Variants in RBFOX1 observed in about 807,000 individuals in gnomAD.
RBFOX1 encodes the protein RNA binding protein fox-1 homolog 1.
RBFOX1 carries 8 observed loss-of-function variants against 57.7 expected under a neutral mutation model. The observed-to-expected ratio is 0.14, with a 90% confidence interval of 0.08 to 0.25. The LOEUF (loss-of-function observed/expected upper bound fraction) is 0.25, where lower values mean the gene tolerates loss of function less well. Ranked by LOEUF, RBFOX1 falls within the 10% of genes least tolerant of loss-of-function variation. The probability of loss-of-function intolerance (pLI) is 1.00; values close to 1 mark genes in which losing one functional copy is unlikely to be tolerated. For synonymous variants in RBFOX1, 326 were observed against 222.4 expected, an observed-to-expected ratio of 1.47 and a Z score of -4.15; for missense variants, 611 against 548.5, an observed-to-expected ratio of 1.11 and a Z score of -1.14.
chr16:6,762,649 A>G (rs2076776935), intron 3 of RBFOX1, among the ~76,000 whole-genome samples: 1 of 152,186 alleles, frequency 6.6e-6, no homozygotes, highest in African/African-American at 2.4e-5. Context: ...TCCTGGTAGA[A>G]GAACTCCATT....
At chr16:7,709,220 A>C in intron 15 of RBFOX1, 89 bp downstream of exon 15, 1 of 1,247,462 alleles carries the variant, frequency 8.0e-7, no homozygotes, top group Non-Finnish European at 1.1e-6. Context: ...ACGTCCTCTC[A>C]CTTCCCGTTA....
chr16:5,358,975 A>T (rs1007142607), intron 1 of RBFOX1, among the ~76,000 whole-genome samples: 1 of 152,006 alleles, frequency 6.6e-6, no homozygotes, highest in Non-Finnish European at 1.5e-5. Flanking sequence ...TACCCTTCCT[A>T]GCCTCTGGTG....
chr16:6,193,394 A>ATACATTATATATATATAC (rs2097157219), intron 1 of RBFOX1, among the ~76,000 whole-genome samples: 2 of 24,552 alleles, frequency 8.1e-5, no homozygotes, highest in South Asian at 1.3e-3. Flanking sequence ...TATATATACT[A>ATACATTATATATATATAC]TATATATATA....
intron 2 of RBFOX1, among the ~76,000 whole-genome samples, chr16:6,326,968 A>G (rs966312165): frequency 6.6e-6 from 1 of 152,138 alleles, no homozygotes; most frequent in Non-Finnish European, 1.5e-5. Context: ...TTCATTTTGG[A>G]GCAGAATCCA....
Position 6,947,223 on chromosome 16 carries a change from A to G in RBFOX1, c.-15-104834A>G, listed in dbSNP as rs1026323068. On this transcript the variant is annotated intron_variant, in intron 3 of 15. Coordinates refer to ENST00000550418, the MANE Select transcript of RBFOX1 (RefSeq NM_018723.4). Reference sequence around the variant, plus strand: ...TGCAGTTTATGGCTGTCTTTTAGGAATTGGCCAAAATGATGAGTCAGAAGC... The same window carrying G: ...TGCAGTTTATGGCTGTCTTTTAGGAGTTGGCCAAAATGATGAGTCAGAAGC... Among the ~76,000 whole-genome samples the G allele has an allele frequency of 2.0e-5, 3 of 151,706 alleles. No homozygotes were observed. The East Asian group carries it at 5.9e-4, about 30-fold the overall frequency.
rs977731683 is a variant in RBFOX1, at chr16:7,344,525, C to T, written c.28-173622C>T. Among the ~76,000 whole-genome samples, 20 of 150,750 alleles carry T rather than the reference C, an allele frequency of 1.3e-4. No individual in the cohort carries two copies. The East Asian group carries it at 3.5e-3, about 26-fold the overall frequency. ...AATTATATATAATGATTAGATGACA[C>T]ATATCATTGTGTAATACTGTATAAT... On this transcript the variant is annotated intron_variant, in intron 4 of 15. Transcript: ENST00000550418.
chr16:7,399,074 A>G (rs1044424289), intron 4 of RBFOX1, among the ~76,000 whole-genome samples: 1 of 152,232 alleles, frequency 6.6e-6, no homozygotes, highest in Non-Finnish European at 1.5e-5. Flanking sequence ...CTCAAACCTC[A>G]GCATCACGTA....
At chr16:6,904,977 G>A (rs1424717616) in intron 3 of RBFOX1, among the ~76,000 whole-genome samples, 1 of 152,166 alleles carries the variant, frequency 6.6e-6, no homozygotes, top group Non-Finnish European at 1.5e-5. Flanking sequence ...CTCCCTGGCA[G>A]CCAGTCTGTC....
intron 5 of RBFOX1, 131 bp from the exon 6 acceptor site, chr16:7,579,646 G>A (rs180946177): frequency 1.3e-4 from 139 of 1,105,538 alleles, no homozygotes; most frequent in Admixed American, 5.9e-4. Context: ...GCATGCATGC[G>A]TCAGCATTTT....
chr16:5,964,679 G>T (rs1413646893), intron 4 of RBFOX1, among the ~76,000 whole-genome samples: 1 of 151,742 alleles, frequency 6.6e-6, no homozygotes, highest in Non-Finnish European at 1.5e-5. Flanking sequence ...AGGCCATTGT[G>T]TGTTTGTGTA....
intron 2 of RBFOX1, among the ~76,000 whole-genome samples, chr16:5,494,845 C>T (rs779892410): frequency 6.6e-6 from 1 of 152,158 alleles, no homozygotes; most frequent in Non-Finnish European, 1.5e-5. Context: ...TTGAAAGGGC[C>T]AGTAGCAAAT....
intron 4 of RBFOX1, among the ~76,000 whole-genome samples, chr16:7,414,984 G>A (rs1387952000): frequency 1.3e-5 from 2 of 152,200 alleles, no homozygotes; most frequent in African/African-American, 4.8e-5. Flanking sequence ...TACAGATGAG[G>A]GGAGTTGTGA....
chr16:6,931,552 C>G (rs1452309990), intron 3 of RBFOX1, among the ~76,000 whole-genome samples: 4 of 152,090 alleles, frequency 2.6e-5, no homozygotes, highest in Admixed American at 6.6e-5. Flanking sequence ...CACCCAAGGG[C>G]TTTGTCAATT....
chr16:6,168,269 G>A (rs914514500), intron 1 of RBFOX1, among the ~76,000 whole-genome samples: 2 of 152,186 alleles, frequency 1.3e-5, no homozygotes, highest in South Asian at 2.1e-4. Flanking sequence ...CGTGCATGGT[G>A]CGGAGGGTTT....
At chr16:5,999,616 C>T (rs1474771026) in intron 4 of RBFOX1, among the ~76,000 whole-genome samples, 1 of 152,038 alleles carries the variant, frequency 6.6e-6, no homozygotes, top group African/African-American at 2.4e-5. Flanking sequence ...AATCCCGGCA[C>T]TTTGGGAGGC....
At chr16:5,427,848 A>G (rs1397218069) in intron 1 of RBFOX1, among the ~76,000 whole-genome samples, 1 of 151,964 alleles carries the variant, frequency 6.6e-6, no homozygotes, top group African/African-American at 2.4e-5. Context: ...ATACAAAACT[A>G]CCCTCCCAGA....
intron 4 of RBFOX1, among the ~76,000 whole-genome samples, chr16:5,923,464 A>G (rs1243760056): frequency 6.6e-6 from 1 of 151,452 alleles, no homozygotes; most frequent in Non-Finnish European, 1.5e-5. Context: ...CAGCTCCCTG[A>G]AGGCTCACGG....
intron 3 of RBFOX1, among the ~76,000 whole-genome samples, chr16:7,047,450 G>A (rs533628217): frequency 1.2e-4 from 18 of 152,146 alleles, no homozygotes; most frequent in Admixed American, 4.6e-4. Context: ...GCCCTTACAA[G>A]CATTGCATTG....
At chr16:5,349,601 AG>A (rs1453487143) in intron 1 of RBFOX1, among the ~76,000 whole-genome samples, 1 of 52,340 alleles carries the variant, frequency 1.9e-5, no homozygotes, top group East Asian at 6.3e-4. Context: ...TGAAACAGGG[AG>A]GCGGAGGTTT....
Sources: gnomAD v4.1 joint callset for allele counts (sites outside exome capture counted in the v4.1 genomes callset) on GRCh38, gnomAD v4.1.1 for gene constraint, MANE v1.5 for transcripts, NCBI Gene and HGNC (gene_info 2026-07-23, HGNC 2026-07-21) for gene names.